Variants in ANK3 observed in about 807,000 individuals in gnomAD.
ANK3 encodes ankyrin-3.
Under a neutral mutation model 370.9 loss-of-function variants are expected in ANK3, and 57 were observed. The ratio of observed to expected loss-of-function variants is 0.15; its 90% confidence interval spans 0.12 to 0.19. The LOEUF is 0.19. ANK3 is among the 10% of genes least tolerant of loss of function. The pLI is 1.00. For synonymous variants in ANK3, 1,929 were observed against 1,946.3 expected, an observed-to-expected ratio of 0.99 and a Z score of 0.23; for missense variants, 4,439 against 5,302.1, an observed-to-expected ratio of 0.84 and a Z score of 5.06.
At chr10:60,316,826 C>T (rs2047535076) in intron 1 of ANK3, among the ~76,000 whole-genome samples, 1 of 151,662 alleles carries the variant, frequency 6.6e-6, no homozygotes, top group African/African-American at 2.4e-5. Flanking sequence ...CGGCTCACTG[C>T]AAGCTCCGCC....
At chr10:60,336,002 A>G (rs1351437465) in intron 1 of ANK3, among the ~76,000 whole-genome samples, 1 of 152,176 alleles carries the variant, frequency 6.6e-6, no homozygotes, top group Admixed American at 6.5e-5. Context: ...TCAGAAGCCC[A>G]GTAAGAAAAA....
chr10:60,182,118 A>G (rs2096209296), intron 17 of ANK3, among the ~76,000 whole-genome samples: 1 of 152,030 alleles, frequency 6.6e-6, no homozygotes, highest in African/African-American at 2.4e-5. Flanking sequence ...GAGTTTTAAC[A>G]TATTGCCAAT....
At chr10:60,367,013 G>T (rs2059472043) in intron 1 of ANK3, among the ~76,000 whole-genome samples, 1 of 152,112 alleles carries the variant, frequency 6.6e-6, no homozygotes, top group Non-Finnish European at 1.5e-5. Context: ...TCCAAGGAGA[G>T]AATATATATC....
rs570136722 is a variant in ANK3 at position 60,636,425 on chromosome 10, G to A, written c.58-21201C>T. Among the ~76,000 whole-genome samples, 8 of 152,260 alleles carry A rather than the reference G, an allele frequency of 5.3e-5. No individual in the cohort carries two copies. The East Asian group carries it at 7.7e-4, about 15-fold the overall frequency. On this transcript the variant is annotated intron_variant, in intron 1 of 43. Coordinates refer to the ANK3 transcript ENST00000373827. ...AAGTCTCAATTCCTCTGTTCTTAAC[G>A]TTGTCCAACTTTCTTCTCTTCGTGT...
intron 2 of ANK3, among the ~76,000 whole-genome samples, chr10:60,497,334 C>T (rs940530670): frequency 6.6e-6 from 1 of 152,012 alleles, no homozygotes; most frequent in Non-Finnish European, 1.5e-5. Flanking sequence ...AAATATGTGC[C>T]TAGTATCAAT....
At chr10:60,512,721 A>G (rs2076118731) in intron 2 of ANK3, among the ~76,000 whole-genome samples, 1 of 152,164 alleles carries the variant, frequency 6.6e-6, no homozygotes, top group South Asian at 2.1e-4. Flanking sequence ...ATTACTGACT[A>G]TGGTTCTGAT....
At chr10:60,643,057 T>A (rs2078658207) in intron 1 of ANK3, among the ~76,000 whole-genome samples, 1 of 152,220 alleles carries the variant, frequency 6.6e-6, no homozygotes, top group Non-Finnish European at 1.5e-5. Context: ...ATGTTAATAA[T>A]CCTGGTATCC....
intron 2 of ANK3, among the ~76,000 whole-genome samples, chr10:60,432,081 G>C (rs1177770470): frequency 6.6e-6 from 1 of 152,146 alleles, no homozygotes; most frequent in Non-Finnish European, 1.5e-5. Context: ...TGCCATCCCT[G>C]TTTATAAATA....
chr10:60,465,785 C>CTTTTTTTTTTTTT (rs1409653171), intron 2 of ANK3, among the ~76,000 whole-genome samples: 1 of 119,398 alleles, frequency 8.4e-6, no homozygotes, highest in Non-Finnish European at 1.8e-5. Flanking sequence ...TCTTTTTTTT[C>CTTTTTTTTTTTTT]TTTCTTTTTT....
At chr10:60,272,956 C>T (rs2098023747) in intron 4 of ANK3, among the ~76,000 whole-genome samples, 1 of 152,222 alleles carries the variant, frequency 6.6e-6, no homozygotes, top group Non-Finnish European at 1.5e-5. Flanking sequence ...TGAGTGTCCA[C>T]TGTTCTCACA....
At chr10:60,200,617 C>G (rs1771450677) in intron 12 of ANK3, among the ~76,000 whole-genome samples, 1 of 149,156 alleles carries the variant, frequency 6.7e-6, no homozygotes. Context: ...CACCCCACAC[C>G]CCCCACATCT....
At chr10:60,514,983 A>T (rs556514247) in intron 2 of ANK3, among the ~76,000 whole-genome samples, 6 of 152,288 alleles carry the variant, frequency 3.9e-5, no homozygotes, top group African/African-American at 1.4e-4. Context: ...TGATAATTTT[A>T]AAAAATATAC....
rs376948386 is a variant in ANK3, at chr10:60,593,502, TTCA to T, written c.96+21681_96+21683del. On this transcript the variant is annotated intron_variant, in intron 2 of 43. Coordinates refer to the ANK3 transcript ENST00000373827. ...TAGGACAAATAGCCTCCAAATCTTTTTCATGTAGCAAATAAAACATTTTAATCC... is the reference window on the plus strand; with the variant it reads ...TAGGACAAATAGCCTCCAAATCTTTTTGTAGCAAATAAAACATTTTAATCC... 9.3e-4 allele frequency among the ~76,000 whole-genome samples: 141 copies of T among 152,330 alleles called. 1 individual carries two copies. Among genetic ancestry groups the T allele is most frequent in the African/African-American group, 2.9e-3 (122 of 41,582 alleles).
chr10:60,281,417 G>A (rs943290633), intron 1 of ANK3, among the ~76,000 whole-genome samples: 1 of 152,198 alleles, frequency 6.6e-6, no homozygotes, highest in Non-Finnish European at 1.5e-5. Context: ...CCTTGGGGGA[G>A]GGGGCAAAGT....
intron 5 of ANK3, 24 bp downstream of exon 5, chr10:60,270,107 C>T: frequency 6.7e-7 from 1 of 1,482,174 alleles, no homozygotes; most frequent in Non-Finnish European, 9.1e-7. Flanking sequence ...TGAACTCACC[C>T]ACAGGAAAAA....
At chr10:60,690,394 G>A (rs770898051) in intron 1 of ANK3, among the ~76,000 whole-genome samples, 15 of 152,138 alleles carry the variant, frequency 9.9e-5, no homozygotes, top group South Asian at 4.1e-4. Context: ...AATACTGCAC[G>A]CTTTTCCAAC....
chr10:60,240,880 C>T (rs1478895151), intron 7 of ANK3, among the ~76,000 whole-genome samples: 1 of 152,212 alleles, frequency 6.6e-6, no homozygotes, highest in African/African-American at 2.4e-5. Flanking sequence ...CATGAGCCAC[C>T]ATGCCTGGTG....
chr10:60,144,987 T>C (rs140524449), intron 23 of ANK3, among the ~76,000 whole-genome samples: 2 of 152,332 alleles, frequency 1.3e-5, no homozygotes, highest in East Asian at 3.9e-4. Context: ...ACTTTTCTTC[T>C]AATCTCTTTC....
intron 2 of ANK3, among the ~76,000 whole-genome samples, chr10:60,420,994 C>T (rs1408103013): frequency 6.6e-6 from 1 of 152,054 alleles, no homozygotes; most frequent in Non-Finnish European, 1.5e-5. Flanking sequence ...ACAGTAATTA[C>T]ATACGATGAA....
Sources: allele counts gnomAD v4.1 joint callset (sites outside exome capture counted in the v4.1 genomes callset), GRCh38; gene constraint gnomAD v4.1.1; transcripts MANE v1.5; gene names NCBI Gene and HGNC (gene_info 2026-07-23, HGNC 2026-07-21).